Variants in PCDH10 observed in about 807,000 individuals in gnomAD.
PCDH10 encodes the protein protocadherin 10.
PCDH10 carries 15 observed loss-of-function variants against 74.4 expected under a neutral mutation model. The ratio of observed to expected loss-of-function variants is 0.20; its 90% CI spans 0.13 to 0.31. The LOEUF (loss-of-function observed/expected upper bound fraction) is 0.31, where lower values mean the gene tolerates loss of function less well. PCDH10 is among the 10% of genes least tolerant of loss of function. PCDH10 has a pLI of 1.00. For synonymous variants in PCDH10, 619 were observed against 589.8 expected (o/e 1.05, Z -0.72); for missense variants, 1,260 against 1,390.2 (o/e 0.91, Z 1.49).
At chr4:133,153,184 T>C in intron 1 of PCDH10, 1 of 1,093,636 alleles carries the variant, frequency 9.1e-7, no homozygotes, top group Non-Finnish European at 1.1e-6. Flanking sequence ...AAGTTGGCTC[T>C]ATTTTGCTTT....
At chr4:133,184,115 T>G (rs914989476) in intron 4 of PCDH10, among the ~76,000 whole-genome samples, 1 of 152,124 alleles carries the variant, frequency 6.6e-6, no homozygotes, top group African/African-American at 2.4e-5. Context: ...TTTGAGTCAT[T>G]TATTTTACAA....
Position 133,163,086 on chromosome 4 carries a change from T to C in PCDH10, c.2907T>C (p.Tyr969=). ...CTGATGGACGCCAGGCTGCTGATTA[T>C]CGCAGCAATCTGCATGTTCCTGGCA... is the stretch of plus-strand genomic sequence containing the variant. ...VPSDGRQAAD[Y]RSNLHVPGMD... Residue 969 remains tyrosine, a synonymous_variant, in exon 4 of 5, where the codon TAT becomes TAC. Coordinates refer to ENST00000264360, the MANE Select transcript of PCDH10 (RefSeq NM_032961.3). The C allele has an allele frequency of 6.2e-7, 1 of 1,614,134 alleles. No homozygotes were observed. Among genetic ancestry groups the C allele is most frequent in the Non-Finnish European group, 8.5e-7 (1 of 1,179,968 alleles).
At chr4:133,169,096 T>A (rs1727148209) in intron 4 of PCDH10, among the ~76,000 whole-genome samples, 1 of 151,710 alleles carries the variant, frequency 6.6e-6, no homozygotes, top group Non-Finnish European at 1.5e-5. Context: ...TGTTTCATAT[T>A]TCTTAACCCT....
rs1578553917 is a variant in PCDH10 at position 133,149,937 on chromosome 4, G to A, written c.-204G>A. The A allele has an allele frequency of 3.3e-6, 2 of 602,340 alleles. No individual in the cohort carries two copies. The highest frequency in any genetic ancestry group is 3.8e-5 in the African/African-American group (2 of 52,902). 37.3% of individuals were successfully genotyped at this position (602,340 alleles called of 1,614,324 possible). A position where few individuals can be genotyped will look rare whatever the true frequency, so the allele number is the denominator to read the frequency against. On this transcript the variant is annotated 5_prime_UTR_variant, in exon 1 of 5. Transcript: ENST00000264360. Reference sequence around the variant, plus strand: ...ACGCCTGTCACCCTTCCTGTGCTAAGATTTAAAAAAAAATGAGGCTGGATT... The same window carrying A: ...ACGCCTGTCACCCTTCCTGTGCTAAAATTTAAAAAAAAATGAGGCTGGATT...
chr4:133,178,076 AATCT>A (rs1210133135), intron 4 of PCDH10, among the ~76,000 whole-genome samples: 1 of 152,188 alleles, frequency 6.6e-6, no homozygotes, highest in African/African-American at 2.4e-5. Context: ...TAGCTTGTCC[AATCT>A]ATCAGATATA....
intron 4 of PCDH10, among the ~76,000 whole-genome samples, chr4:133,167,628 G>A (rs1017536456): frequency 2.0e-5 from 3 of 151,282 alleles, no homozygotes; most frequent in Admixed American, 2.0e-4. Context: ...AACTTGATAT[G>A]TTAATTTCTG....
At position 133,191,084 on chromosome 4, in the gene PCDH10, A is replaced by T. The variant is rs532747868; in HGVS notation, c.*924A>T. The T allele has an allele frequency of 1.4e-4, 22 of 152,544 alleles. No individual in the cohort carries two copies. In the East Asian group the frequency reaches 4.2e-3, roughly 29 times the overall value. 9.4% of individuals were successfully genotyped at this position (152,544 alleles called of 1,614,324 possible). ...ATCAAACTATCTAACAATCTGCATA[A>T]GTCTGATTCTATTTCTATGACTTTG... On this transcript the variant is annotated 3_prime_UTR_variant, in exon 5 of 5. Transcript: ENST00000264360.
chr4:133,203,493 G>A (rs966900570), intron 2 of PCDH10, among the ~76,000 whole-genome samples: 1 of 152,040 alleles, frequency 6.6e-6, no homozygotes, highest in African/African-American at 2.4e-5. Context: ...ATGCCATAGG[G>A]GTGTCATGGG....
At position 133,190,269 on chromosome 4, in the gene PCDH10, C is replaced by A; in HGVS notation, c.*109C>A. ...TGGCCATCCAGTTAGTCATGTGTAA[C>A]TGAGTATTAGATTTCGGATGGAGTC... On this transcript the variant is annotated 3_prime_UTR_variant, in exon 5 of 5. Transcript: ENST00000264360. 1 of 957,792 alleles carries A rather than the reference C, an allele frequency of 1.0e-6. No individual in the cohort carries two copies. Among genetic ancestry groups the A allele is most frequent in the Admixed American group, 1.8e-5 (1 of 56,102 alleles). The allele number at this position is 957,792 out of a possible 1,614,324, so 59.3% of individuals were successfully genotyped here. A position where few individuals can be genotyped will look rare whatever the true frequency, so the allele number is the denominator to read the frequency against.
At chr4:133,162,163 G>C (rs1171211895) in intron 3 of PCDH10, among the ~76,000 whole-genome samples, 5 of 152,182 alleles carry the variant, frequency 3.3e-5, no homozygotes, top group African/African-American at 1.2e-4. Flanking sequence ...ACTAGGACAA[G>C]TGTGTTCCAA....
chr4:133,189,625 A>G (rs1578577171), intron 4 of PCDH10, among the ~76,000 whole-genome samples: 1 of 152,210 alleles, frequency 6.6e-6, no homozygotes, highest in Non-Finnish European at 1.5e-5. Flanking sequence ...AATGAGATTA[A>G]ATAAACCTAG....
Position 133,186,664 on chromosome 4 carries a change from A to G in PCDH10, c.3104-3477A>G, listed in dbSNP as rs547546414. On this transcript the variant is annotated intron_variant, in intron 4 of 4. Transcript: ENST00000264360. ...ATTTTTTTTGTGGGGAGGGTCAGAT[A>G]ATATTTGCTTGCTACTTGTCCAACA... Among the ~76,000 whole-genome samples the G allele has an allele frequency of 2.0e-5, 3 of 152,190 alleles. No homozygotes were observed. The East Asian group carries it at 5.8e-4, about 29-fold the overall frequency.
At chr4:133,177,717 T>G (rs1727324422) in intron 4 of PCDH10, among the ~76,000 whole-genome samples, 1 of 152,196 alleles carries the variant, frequency 6.6e-6, no homozygotes, top group Non-Finnish European at 1.5e-5. Context: ...AATTGTTTTT[T>G]AATCTAATAT....
chr4:133,206,443 C>G (rs1198416717), intron 2 of PCDH10, among the ~76,000 whole-genome samples: 1 of 152,018 alleles, frequency 6.6e-6, no homozygotes, highest in African/African-American at 2.4e-5. Context: ...CATTTTTGGT[C>G]CTTTTTATTA....
downstream of PCDH10, among the ~76,000 whole-genome samples, chr4:133,199,686 A>G (rs1360194940): frequency 6.6e-6 from 1 of 151,104 alleles, no homozygotes; most frequent in East Asian, 1.9e-4. Flanking sequence ...TTTCTCTATT[A>G]TTTAATTTTA....
intron 4 of PCDH10, among the ~76,000 whole-genome samples, chr4:133,175,399 T>A (rs1457144045): frequency 6.6e-6 from 1 of 152,078 alleles, no homozygotes; most frequent in Non-Finnish European, 1.5e-5. Flanking sequence ...TGGGCACAAC[T>A]GTTTTCCAAG....
chr4:133,156,097 TC>T (rs1726858136), intron 3 of PCDH10, among the ~76,000 whole-genome samples: 1 of 152,176 alleles, frequency 6.6e-6, no homozygotes, highest in South Asian at 2.1e-4. Context: ...AGTGATAGGT[TC>T]TCATTTTCAA....
intron 4 of PCDH10, among the ~76,000 whole-genome samples, chr4:133,178,553 A>C (rs916160296): frequency 6.6e-6 from 1 of 151,832 alleles, no homozygotes; most frequent in Non-Finnish European, 1.5e-5. Context: ...TTTTTAATTA[A>C]AGTTTTTGGA....
Position 133,190,270 on chromosome 4 carries a change from TGAGTATTAGATTTC to T in PCDH10, c.*112_*125del. 1 of 947,766 alleles carries T rather than the reference TGAGTATTAGATTTC, an allele frequency of 1.1e-6. No individual in the cohort carries two copies. The highest frequency in any genetic ancestry group is 1.7e-6 in the Non-Finnish European group (1 of 579,318). 58.7% of individuals were successfully genotyped at this position (947,766 alleles called of 1,614,324 possible). On this transcript the variant is annotated 3_prime_UTR_variant, in exon 5 of 5. Transcript: ENST00000264360. ...GGCCATCCAGTTAGTCATGTGTAAC[TGAGTATTAGATTTC>T]GGATGGAGTCATCATGGCCAATTAT...
Sources: allele counts gnomAD v4.1 joint callset (sites outside exome capture counted in the v4.1 genomes callset), GRCh38; gene constraint gnomAD v4.1.1; transcripts MANE v1.5; gene names NCBI Gene and HGNC (gene_info 2026-07-23, HGNC 2026-07-21).